Variants in NCKAP1 observed in about 807,000 individuals in gnomAD.
The protein encoded by NCKAP1 is NCK associated protein 1, also known as nck-associated protein 1.
A neutral mutation model predicts 151.2 loss-of-function variants in NCKAP1; 21 were observed. That is an observed-to-expected ratio of 0.14 (90% CI 0.10 to 0.20). The LOEUF (loss-of-function observed/expected upper bound fraction) is 0.20, where lower values mean the gene tolerates loss of function less well. Ranked by LOEUF, NCKAP1 falls within the 10% of genes least tolerant of loss-of-function variation. The probability of loss-of-function intolerance (pLI) is 1.00; values close to 1 mark genes in which losing one functional copy is unlikely to be tolerated. For synonymous variants in NCKAP1, 484 were observed against 451.8 expected (o/e 1.07, Z -0.90); for missense variants, 933 against 1,352.1 (o/e 0.69, Z 4.86).
chr2:183,021,754 A>G (rs1461443134), intron 2 of NCKAP1, among the ~76,000 whole-genome samples: 2 of 152,174 alleles, frequency 1.3e-5, no homozygotes, highest in Admixed American at 1.3e-4. Context: ...GAGACAGAAA[A>G]AGTACATCAG....
At chr2:182,983,731 A>T (rs866531713) in intron 10 of NCKAP1, among the ~76,000 whole-genome samples, 1 of 152,188 alleles carries the variant, frequency 6.6e-6, no homozygotes, top group African/African-American at 2.4e-5. Context: ...CACTTTATAG[A>T]CTATGAAGTT....
At chr2:183,004,884 C>CAAAAAA (rs71008253) in intron 2 of NCKAP1, among the ~76,000 whole-genome samples, 1 of 136,438 alleles carries the variant, frequency 7.3e-6, no homozygotes, top group Non-Finnish European at 1.6e-5. Context: ...GACTCCATCT[C>CAAAAAA]AAAAAAAAAA....
At chr2:182,926,035 A>G (rs907521284) in intron 30 of NCKAP1, among the ~76,000 whole-genome samples, 8 of 152,096 alleles carry the variant, frequency 5.3e-5, no homozygotes, top group African/African-American at 1.9e-4. Context: ...AAAAAGAGCT[A>G]CTTTTCAATT....
chr2:183,020,542 T>C (rs1259968491), intron 2 of NCKAP1, among the ~76,000 whole-genome samples: 1 of 151,898 alleles, frequency 6.6e-6, no homozygotes, highest in Admixed American at 6.6e-5. Context: ...TGAGTACCTT[T>C]TCTGAAATTG....
At chr2:182,975,203 A>G (rs1022836098) in intron 15 of NCKAP1, among the ~76,000 whole-genome samples, 14 of 152,170 alleles carry the variant, frequency 9.2e-5, no homozygotes, top group Non-Finnish European at 1.9e-4. Context: ...GCCTTTTTAA[A>G]AACAAAGAGG....
intron 15 of NCKAP1, among the ~76,000 whole-genome samples, chr2:182,972,692 T>C (rs1417225428): frequency 3.3e-5 from 5 of 152,092 alleles, no homozygotes; most frequent in African/African-American, 1.2e-4. Flanking sequence ...AAATGGTAAA[T>C]ATATACACAA....
In NCKAP1 at chr2:182,982,894, G is replaced by A. The variant is rs768987262; in HGVS notation, c.1135C>T (p.Arg379Cys). ...LFVFMALSFARDEIIWLLRHA... is the reference protein window; with the variant it reads ...LFVFMALSFACDEIIWLLRHA... ...CGAAGTAGCCAGATGATTTCATCAC[G>A]GGCAAAGGATAATGCCATAAAAACA... The change falls in exon 12 of 31, where the codon CGT becomes TGT. Residue 379 changes from arginine (R) to cysteine (C), a missense_variant. Around this residue, in one of 2 missense-constraint regions of NCKAP1, gnomAD observed 607 missense variants for 795.0 expected, o/e 0.76. Transcript: ENST00000361354. The A allele has an allele frequency of 1.9e-6, 3 of 1,610,496 alleles. No homozygotes were observed. Among genetic ancestry groups the A allele is most frequent in the Non-Finnish European group, 1.7e-6 (2 of 1,178,174 alleles).
chr2:182,933,405 T>TTTA (rs924489065), intron 26 of NCKAP1, among the ~76,000 whole-genome samples: 3 of 150,150 alleles, frequency 2.0e-5, no homozygotes, highest in Non-Finnish European at 3.0e-5. Flanking sequence ...TTTTTTTTTT[T>TTTA]TTTGGAGACG....
chr2:182,918,097 CTG>C lies in NCKAP1; in HGVS notation c.*7603_*7604del, dbSNP rs1465906504. Reference sequence around the variant, plus strand: ...ACTCAAACTCAGTAATTTTATGACACTGGGGCAAGGAATTTAAAGTTTTATGA... The same window carrying C: ...ACTCAAACTCAGTAATTTTATGACACGGGCAAGGAATTTAAAGTTTTATGA... On this transcript the variant is annotated 3_prime_UTR_variant, in exon 31 of 31. Transcript: ENST00000361354. 2.0e-5 allele frequency: 3 copies of C among 152,168 alleles called. No individual in the cohort carries two copies. Among genetic ancestry groups the C allele is most frequent in the African/African-American group, 7.2e-5 (3 of 41,450 alleles). 9.4% of individuals were successfully genotyped at this position (152,168 alleles called of 1,614,324 possible).
chr2:182,998,834 CAAA>C (rs1160835228), intron 6 of NCKAP1, among the ~76,000 whole-genome samples: 24 of 44,526 alleles, frequency 5.4e-4, no homozygotes, highest in Non-Finnish European at 8.6e-4. Context: ...AAGACTCCAA[CAAA>C]AAAAAAAAAA....
chr2:182,983,277 A>C lies in NCKAP1; in HGVS notation c.1101+9T>G. The C allele has an allele frequency of 6.4e-7, 1 of 1,557,570 alleles. No homozygotes were observed. Among genetic ancestry groups the C allele is most frequent in the African/African-American group, 1.4e-5 (1 of 72,862 alleles). On this transcript the variant is annotated intron_variant, in intron 11 of 30. Transcript: ENST00000361354. ...GCACAATTATTGAAATAATAATTAAATGAATTACCTTGGGACCTAGCAATC... is the reference window on the plus strand; with the variant it reads ...GCACAATTATTGAAATAATAATTAACTGAATTACCTTGGGACCTAGCAATC...
rs192759819 is a variant in NCKAP1, at chr2:182,953,528, T to C, written c.2154-197A>G. ...AAAAAAGAATGAAGGCCGGGCATGGTGGTTCACGCCTATTGTAATCCCAGC... is the reference window on the plus strand; with the variant it reads ...AAAAAAGAATGAAGGCCGGGCATGGCGGTTCACGCCTATTGTAATCCCAGC... On this transcript the variant is annotated intron_variant, in intron 20 of 30. Coordinates refer to ENST00000361354, the MANE Select transcript of NCKAP1 (RefSeq NM_013436.5). Among the ~76,000 whole-genome samples, 572 of 152,350 alleles carry C rather than the reference T, an allele frequency of 3.8e-3. 2 individuals carry two copies. The highest frequency in any genetic ancestry group is 0.017 in the Middle Eastern group (5 of 294).
chr2:182,990,399 T>G (rs1278530228), intron 8 of NCKAP1, among the ~76,000 whole-genome samples: 1 of 152,170 alleles, frequency 6.6e-6, no homozygotes, highest in Non-Finnish European at 1.5e-5. Flanking sequence ...ACTATTAAAG[T>G]AATAAAGCTA....
chr2:183,037,652 T>C (rs1699129122), intron 1 of NCKAP1, among the ~76,000 whole-genome samples: 1 of 152,052 alleles, frequency 6.6e-6, no homozygotes, highest in South Asian at 2.1e-4. Flanking sequence ...ACCCTCCCTT[T>C]CCTATGGGCC....
At chr2:183,032,410 A>G (rs115577249) in intron 1 of NCKAP1, among the ~76,000 whole-genome samples, 2,418 of 152,324 alleles carry the variant, frequency 0.016, 68 homozygotes, top group African/African-American at 0.055. Context: ...CATTGTGTGA[A>G]CATCAGAGCG....
rs1353955333 is a variant in NCKAP1, at chr2:182,920,340, T to C, written c.*5362A>G. On this transcript the variant is annotated 3_prime_UTR_variant, in exon 31 of 31. Transcript: ENST00000361354. ...TCTACTCAAGGGAAGATGCTAAAAC[T>C]GGTGTTCATGCAATTAAAGATGACA... 1 of 152,134 alleles carries C rather than the reference T, an allele frequency of 6.6e-6. No homozygotes were observed. The highest frequency in any genetic ancestry group is 2.4e-5 in the African/African-American group (1 of 41,436). The allele number at this position is 152,134 out of a possible 1,614,324, so 9.4% of individuals were successfully genotyped here. A position where few individuals can be genotyped will look rare whatever the true frequency, so the allele number is the denominator to read the frequency against.
intron 15 of NCKAP1, among the ~76,000 whole-genome samples, chr2:182,974,419 AT>A (rs938001613): frequency 1.3e-5 from 2 of 152,154 alleles, no homozygotes; most frequent in Non-Finnish European, 2.9e-5. Flanking sequence ...ATGTGACCTT[AT>A]TTGGAATTAG....
chr2:183,001,412 T>C (rs1397849803), intron 6 of NCKAP1, among the ~76,000 whole-genome samples: 1 of 152,218 alleles, frequency 6.6e-6, no homozygotes, highest in Non-Finnish European at 1.5e-5. Context: ...ATTTTTAATA[T>C]CTCTTAAAAG....
chr2:182,982,421 ATCTT>A (rs1697959528), intron 12 of NCKAP1, among the ~76,000 whole-genome samples: 1 of 151,890 alleles, frequency 6.6e-6, no homozygotes, highest in Admixed American at 6.6e-5. Flanking sequence ...TGGATGTACT[ATCTT>A]TCTAATTTAC....
Sources: gnomAD v4.1 joint callset for allele counts (sites outside exome capture counted in the v4.1 genomes callset) on GRCh38, gnomAD v4.1.1 for gene constraint, gnomAD v4.1.1 regional missense constraint, MANE v1.5 for transcripts, NCBI Gene and HGNC (gene_info 2026-07-23, HGNC 2026-07-21) for gene names.